CDH2: variants seen among roughly 807,000 people sequenced by gnomAD.
CDH2 encodes the protein cadherin 2.
CDH2 carries 17 observed loss-of-function variants against 92.0 expected under a neutral mutation model. That is an observed-to-expected ratio of 0.18 (90% CI 0.13 to 0.28). CDH2 has a LOEUF of 0.28. CDH2 is among the 10% of genes least tolerant of loss of function. The pLI is 1.00. For missense variants in CDH2, 862 were observed against 1,133.1 expected (o/e 0.76, Z 3.44); for synonymous variants, 419 against 415.9 (o/e 1.01, Z -0.09).
rs11874478 is a variant in CDH2 at position 28,171,673 on chromosome 18, C to T, written c.60+5290G>A. 5.9e-5 allele frequency among the ~76,000 whole-genome samples: 9 copies of T among 152,120 alleles called. No individual in the cohort carries two copies. The South Asian group carries it at 1.0e-3, about 18-fold the overall frequency. On this transcript the variant is annotated intron_variant, in intron 1 of 15. Transcript: ENST00000269141. ...AAGTATCTGAAAATTCTTACATTTT[C>T]GGCTGAAAAAAGCCTTTCCACAACC...
chr18:28,046,131 CT>C (rs1437299511), intron 2 of CDH2, among the ~76,000 whole-genome samples: 2 of 152,098 alleles, frequency 1.3e-5, no homozygotes, highest in Non-Finnish European at 2.9e-5. Context: ...GCGTTTGACC[CT>C]TAAATGACAA....
At chr18:28,151,309 A>G (rs1180747355) in intron 1 of CDH2, among the ~76,000 whole-genome samples, 1 of 152,240 alleles carries the variant, frequency 6.6e-6, no homozygotes, top group African/African-American at 2.4e-5. Context: ...TAGCTGTCAC[A>G]ACTGCGAGGG....
chr18:28,014,018 G>A (rs575478603), intron 2 of CDH2, 109 bp from the exon 3 acceptor site: 17 of 702,680 alleles, frequency 2.4e-5, no homozygotes, highest in Non-Finnish European at 4.0e-5. Context: ...TAAAAATACA[G>A]TAGCATGAAA....
chr18:28,044,654 G>T (rs2014034002), intron 2 of CDH2, among the ~76,000 whole-genome samples: 1 of 151,864 alleles, frequency 6.6e-6, no homozygotes, highest in Non-Finnish European at 1.5e-5. Context: ...AAATAATAAT[G>T]GAAAACACAG....
intron 7 of CDH2, among the ~76,000 whole-genome samples, chr18:28,002,629 A>G (rs995439897): frequency 3.3e-5 from 5 of 152,240 alleles, no homozygotes; most frequent in African/African-American, 1.2e-4. Context: ...TAACACAAGC[A>G]TTAACAATTA....
At chr18:27,967,001 C>T (rs561446196) in intron 14 of CDH2, among the ~76,000 whole-genome samples, 39 of 152,198 alleles carry the variant, frequency 2.6e-4, no homozygotes, top group South Asian at 2.3e-3. Flanking sequence ...TATGATGAGA[C>T]GGGAGAGAAA....
chr18:27,955,761 G>GTTTTTTTTTTTTTTGTTTTT (rs2011230401), intron 15 of CDH2, among the ~76,000 whole-genome samples: 1 of 111,716 alleles, frequency 9.0e-6, no homozygotes, highest in East Asian at 2.8e-4. Context: ...CTTTATTTCT[G>GTTTTTTTTTTTTTTGTTTTT]TTTTTTTTTT....
intron 2 of CDH2, chr18:28,045,389 T>G (rs1400526469): frequency 1.3e-5 from 6 of 467,160 alleles, no homozygotes; most frequent in Admixed American, 1.2e-4. Flanking sequence ...AGCTCTCCAT[T>G]GATTAGAAAA....
At chr18:28,104,590 T>C (rs1185145828) in intron 2 of CDH2, among the ~76,000 whole-genome samples, 3 of 151,406 alleles carry the variant, frequency 2.0e-5, no homozygotes, top group African/African-American at 7.2e-5. Context: ...TTATCCAAGA[T>C]AATCATCTTC....
chr18:27,957,518 C>CTG (rs1450010667), intron 15 of CDH2, among the ~76,000 whole-genome samples: 1 of 152,024 alleles, frequency 6.6e-6, no homozygotes, highest in Non-Finnish European at 1.5e-5. Context: ...TCCCAAAGTG[C>CTG]TGGGATTACA....
At chr18:28,050,850 T>G (rs1318633824) in intron 2 of CDH2, among the ~76,000 whole-genome samples, 1 of 152,198 alleles carries the variant, frequency 6.6e-6, no homozygotes, top group Non-Finnish European at 1.5e-5. Context: ...GTCATAAGTT[T>G]TAGCTCAAGA....
At chr18:28,157,998 T>C (rs1373844686) in intron 1 of CDH2, among the ~76,000 whole-genome samples, 4 of 152,178 alleles carry the variant, frequency 2.6e-5, no homozygotes, top group Admixed American at 1.3e-4. Flanking sequence ...ATACACTTTA[T>C]TTGCTCTGGA....
At chr18:28,011,699 A>T in intron 4 of CDH2, 147 bp downstream of exon 4, 1 of 742,888 alleles carries the variant, frequency 1.3e-6, no homozygotes, top group South Asian at 1.9e-5. Context: ...GAGGCTTTCT[A>T]CAACACTACA....
intron 1 of CDH2, among the ~76,000 whole-genome samples, chr18:28,169,673 T>C (rs918033855): frequency 2.6e-5 from 4 of 152,190 alleles, no homozygotes; most frequent in African/African-American, 9.6e-5. Context: ...TTTTAAATTA[T>C]AGCTAGGTAT....
At chr18:28,150,099 T>C (rs1178739906) in intron 1 of CDH2, among the ~76,000 whole-genome samples, 2 of 152,108 alleles carry the variant, frequency 1.3e-5, no homozygotes, top group East Asian at 1.9e-4. Flanking sequence ...GTTTGCCATA[T>C]AAAATGGACA....
chr18:28,023,067 A>T (rs1465219656), intron 2 of CDH2, among the ~76,000 whole-genome samples: 1 of 152,196 alleles, frequency 6.6e-6, no homozygotes, highest in Non-Finnish European at 1.5e-5. Flanking sequence ...TTGTGTACAC[A>T]TTGGCAAATA....
At chr18:28,057,132 T>C (rs1017862858) in intron 2 of CDH2, among the ~76,000 whole-genome samples, 3 of 152,180 alleles carry the variant, frequency 2.0e-5, no homozygotes, top group Admixed American at 6.5e-5. Context: ...AAATATTTCA[T>C]CTTCAAGGAG....
At chr18:28,094,792 T>TAAAAAAA (rs35744873) in intron 2 of CDH2, among the ~76,000 whole-genome samples, 1 of 82,382 alleles carries the variant, frequency 1.2e-5, no homozygotes, top group Non-Finnish European at 2.2e-5. Context: ...AGACTCTGTC[T>TAAAAAAA]AAAAAAAAAA....
At chr18:28,039,775 A>G (rs1046622606) in intron 2 of CDH2, among the ~76,000 whole-genome samples, 1 of 152,136 alleles carries the variant, frequency 6.6e-6, no homozygotes, top group Non-Finnish European at 1.5e-5. Context: ...AGGCAATTCC[A>G]CACAATTTGG....
Sources: allele counts gnomAD v4.1 joint callset (sites outside exome capture counted in the v4.1 genomes callset), GRCh38; gene constraint gnomAD v4.1.1; transcripts MANE v1.5; gene names NCBI Gene and HGNC (gene_info 2026-07-23, HGNC 2026-07-21).